SERP1: variants seen among roughly 807,000 people sequenced by gnomAD.
SERP1 encodes the protein stress-associated endoplasmic reticulum protein 1.
SERP1 carries 6 observed loss-of-function variants against 8.8 expected under a neutral mutation model. The ratio of observed to expected loss-of-function variants is 0.68; its 90% CI spans 0.37 to 1.35. The LOEUF is 1.35. SERP1 is among the 40% of genes most tolerant of loss of function. The pLI is 0.02. For synonymous variants in SERP1, 36 were observed against 28.7 expected (o/e 1.25, Z -0.81); for missense variants, 52 against 86.2 (o/e 0.60, Z 1.57).
At position 150,546,447 on chromosome 3, in the gene SERP1, G is replaced by A. The variant is rs1448756727; in HGVS notation, c.-312C>T. On this transcript the variant is annotated 5_prime_UTR_variant, in exon 1 of 3. Transcript: ENST00000239944. ...CCGCCGTGAGCGCGGAGTGAAAGAG[G>A]AAGGAAACGCAACGCAACAACGGGA... The A allele has an allele frequency of 3.6e-6, 2 of 558,378 alleles. No homozygotes were observed. Among genetic ancestry groups the A allele is most frequent in the Non-Finnish European group, 3.1e-6 (1 of 318,514 alleles). The allele number at this position is 558,378 out of a possible 1,614,324, so 34.6% of individuals were successfully genotyped here.
At chr3:150,545,508 G>A (rs1351655552) in intron 2 of SERP1, 195 bp downstream of exon 2, 4 of 578,622 alleles carry the variant, frequency 6.9e-6, no homozygotes, top group African/African-American at 3.8e-5. Context: ...ATTAAGCTGG[G>A]AGAAGTTTCT....
In SERP1 at chr3:150,546,199, G is replaced by A. The variant is rs1261908284; in HGVS notation, c.-64C>T. The A allele has an allele frequency of 3.2e-6, 5 of 1,565,352 alleles. No individual in the cohort carries two copies. The highest frequency in any genetic ancestry group is 1.1e-5 in the South Asian group (1 of 90,188). ...CTCGCTCACTCGCCTGCCTCCTCTG[G>A]AGCCGCTGCGAGGCTCGGCTCGTGG... On this transcript the variant is annotated 5_prime_UTR_variant, in exon 1 of 3. Coordinates refer to ENST00000239944, the MANE Select transcript of SERP1 (RefSeq NM_014445.4).
chr3:150,546,009 G>C, intron 1 of SERP1, 43 bp downstream of exon 1: 3 of 1,609,246 alleles, frequency 1.9e-6, no homozygotes, highest in Non-Finnish European at 2.5e-6. Flanking sequence ...CCCGGACTCA[G>C]CTCCGGCTGC....
Position 150,546,486 on chromosome 3 carries a change from C to G in SERP1, c.-351G>C, listed in dbSNP as rs1723029751. 1 of 571,644 alleles carries G rather than the reference C, an allele frequency of 1.7e-6. No individual in the cohort carries two copies. The highest frequency in any genetic ancestry group is 3.1e-6 in the Non-Finnish European group (1 of 321,876). The allele number at this position is 571,644 out of a possible 1,614,324, so 35.4% of individuals were successfully genotyped here. ...GCAACAACGGGAATGTGCAGCCCGC[C>G]GCCTCGATCTACTTTGGGTTCGGCT... On this transcript the variant is annotated 5_prime_UTR_variant, in exon 1 of 3. Coordinates refer to ENST00000239944, the MANE Select transcript of SERP1 (RefSeq NM_014445.4).
rs1266185574 is a variant in SERP1, at chr3:150,546,435, G to A, written c.-300C>T. On this transcript the variant is annotated 5_prime_UTR_variant, in exon 1 of 3. Transcript: ENST00000239944. Reference sequence around the variant, plus strand: ...CCGCTTTGGCCGCCGCCGTGAGCGCGGAGTGAAAGAGGAAGGAAACGCAAC... The same window carrying A: ...CCGCTTTGGCCGCCGCCGTGAGCGCAGAGTGAAAGAGGAAGGAAACGCAAC... 1.1e-5 allele frequency: 6 copies of A among 554,932 alleles called. No individual in the cohort carries two copies. The highest frequency in any genetic ancestry group is 3.6e-5 in the Admixed American group (1 of 27,612). 34.4% of individuals were successfully genotyped at this position (554,932 alleles called of 1,614,324 possible).
Position 150,543,753 on chromosome 3 carries a change from A to T in SERP1, c.*705T>A, listed in dbSNP as rs1722924423. 7.9e-6 allele frequency: 1 copy of T among 127,298 alleles called. No individual in the cohort carries two copies. Among genetic ancestry groups the T allele is most frequent in the Admixed American group, 8.7e-5 (1 of 11,506 alleles). The allele number at this position is 127,298 out of a possible 1,614,324, so 7.9% of individuals were successfully genotyped here. The stretch of plus-strand genomic sequence containing the variant: ...TTAGTGAAACCACAGTAACTGATTA[A>T]GTCAGAAAACGATCAAGTTTTTTTT... On this transcript the variant is annotated 3_prime_UTR_variant, in exon 3 of 3. Coordinates refer to ENST00000239944, the MANE Select transcript of SERP1 (RefSeq NM_014445.4).
At position 150,546,177 on chromosome 3, in the gene SERP1, G is replaced by C; in HGVS notation, c.-42C>G. ...CCTGCCCCGGCCACCCCTCGGACTC[G>C]CTCACTCGCCTGCCTCCTCTGGAGC... On this transcript the variant is annotated 5_prime_UTR_variant, in exon 1 of 3. Coordinates refer to ENST00000239944, the MANE Select transcript of SERP1 (RefSeq NM_014445.4). The C allele has an allele frequency of 1.9e-6, 3 of 1,601,164 alleles. No homozygotes were observed. The highest frequency in any genetic ancestry group is 2.6e-6 in the Non-Finnish European group (3 of 1,172,646).
chr3:150,542,203 T>C lies in SERP1; in HGVS notation c.*2255A>G, dbSNP rs1313940100. ...TAATGTTGACAACCCCAATATTTAT[T>C]CTCATACTGTGCTCAACATTAGATG... On this transcript the variant is annotated 3_prime_UTR_variant, in exon 3 of 3. Transcript: ENST00000239944. 3 of 152,244 alleles carry C rather than the reference T, an allele frequency of 2.0e-5. No homozygotes were observed. Among genetic ancestry groups the C allele is most frequent in the Non-Finnish European group, 4.4e-5 (3 of 68,038 alleles). The allele number at this position is 152,244 out of a possible 1,614,324, so 9.4% of individuals were successfully genotyped here.
At chr3:150,544,623 T>C in intron 2 of SERP1, 125 bp from the exon 3 acceptor site, 1 of 662,780 alleles carries the variant, frequency 1.5e-6, no homozygotes, top group South Asian at 2.0e-5. Flanking sequence ...GGTACATAAC[T>C]TCAGTATAAT....
rs929467987 is a variant in SERP1, at chr3:150,542,658, T to C, written c.*1800A>G. Reference sequence around the variant, plus strand: ...TACAAAGGGAATGCAATTTTACATATGTAAAATGATTGCTAGCTATAGCAA... The same window carrying C: ...TACAAAGGGAATGCAATTTTACATACGTAAAATGATTGCTAGCTATAGCAA... On this transcript the variant is annotated 3_prime_UTR_variant, in exon 3 of 3. Transcript: ENST00000239944. The C allele has an allele frequency of 4.6e-5, 7 of 152,580 alleles. No homozygotes were observed. Among genetic ancestry groups the C allele is most frequent in the African/African-American group, 1.2e-4 (5 of 41,466 alleles). The allele number at this position is 152,580 out of a possible 1,614,324, so 9.5% of individuals were successfully genotyped here. A position where few individuals can be genotyped will look rare whatever the true frequency, so the allele number is the denominator to read the frequency against.
In SERP1 at chr3:150,546,286, G is replaced by C; in HGVS notation, c.-151C>G. On this transcript the variant is annotated 5_prime_UTR_variant, in exon 1 of 3. Coordinates refer to ENST00000239944, the MANE Select transcript of SERP1 (RefSeq NM_014445.4). ...GACGCTAGCTACGGCCGCTGGGCCT[G>C]GGCGCCGCAAGCGCGAGGTCTGAGC... 1 of 850,022 alleles carries C rather than the reference G, an allele frequency of 1.2e-6. No individual in the cohort carries two copies. The highest frequency in any genetic ancestry group is 1.8e-6 in the Non-Finnish European group (1 of 564,472). The allele number at this position is 850,022 out of a possible 1,614,324, so 52.7% of individuals were successfully genotyped here. A position where few individuals can be genotyped will look rare whatever the true frequency, so the allele number is the denominator to read the frequency against.
In SERP1 at chr3:150,546,067, G is replaced by A; in HGVS notation, c.69C>T (p.Asn23=). 6.2e-7 allele frequency: 1 copy of A among 1,613,772 alleles called. No individual in the cohort carries two copies. Residue 23 remains asparagine, a synonymous_variant, in exon 1 of 3, where the codon AAC becomes AAT. Transcript: ENST00000239944. Reference sequence around the variant, plus strand: ...CTTTCCTTACCGAGGTCTTGGCGACGTTGCCGCGCTGGGTGATGTTCTTGC... The same window carrying A: ...CTTTCCTTACCGAGGTCTTGGCGACATTGCCGCGCTGGGTGATGTTCTTGC... ...KHSKNITQRG[N]VAKTSRNAPE...
rs1722924289 is a variant in SERP1 at position 150,543,749 on chromosome 3, A to AT, written c.*708dup. On this transcript the variant is annotated 3_prime_UTR_variant, in exon 3 of 3. Transcript: ENST00000239944. ...GCTTTTAGTGAAACCACAGTAACTG[A>AT]TTAAGTCAGAAAACGATCAAGTTTT... The AT allele has an allele frequency of 2.9e-5, 4 of 136,314 alleles. No homozygotes were observed. The highest frequency in any genetic ancestry group is 5.2e-4 in the South Asian group (2 of 3,842). The allele number at this position is 136,314 out of a possible 1,614,324, so 8.4% of individuals were successfully genotyped here. A position where few individuals can be genotyped will look rare whatever the true frequency, so the allele number is the denominator to read the frequency against.
rs1232942870 is a variant in SERP1, at chr3:150,546,148, A to G, written c.-13T>C. 1.2e-6 allele frequency: 2 copies of G among 1,612,134 alleles called. No individual in the cohort carries two copies. Among genetic ancestry groups the G allele is most frequent in the Admixed American group, 1.7e-5 (1 of 60,014 alleles). On this transcript the variant is annotated 5_prime_UTR_variant, in exon 1 of 3. Transcript: ENST00000239944. The stretch of plus-strand genomic sequence containing the variant: ...GCTTGGCGACCATCTTCGCGGCGCC[A>G]CCACCTGCCCCGGCCACCCCTCGGA...
chr3:150,544,858 T>C (rs897254760), intron 2 of SERP1, among the ~76,000 whole-genome samples: 2 of 152,252 alleles, frequency 1.3e-5, no homozygotes, highest in Non-Finnish European at 2.9e-5. Flanking sequence ...AACACATGCA[T>C]GTTTCCTCAT....
rs1179410421 is a variant in SERP1 at position 150,546,340 on chromosome 3, T to TGACC, written c.-209_-206dup. 1.3e-5 allele frequency: 8 copies of TGACC among 599,036 alleles called. 1 individual carries two copies. Among genetic ancestry groups the TGACC allele is most frequent in the South Asian group, 8.3e-5 (4 of 48,346 alleles). The allele number at this position is 599,036 out of a possible 1,614,324, so 37.1% of individuals were successfully genotyped here. A position where few individuals can be genotyped will look rare whatever the true frequency, so the allele number is the denominator to read the frequency against. ...AGCCGGGCGCCGGCCGCCGACTGAC[T>TGACC]GACCGAGCGGGGCAGGTGCGCAGGA... On this transcript the variant is annotated 5_prime_UTR_variant, in exon 1 of 3. Coordinates refer to ENST00000239944, the MANE Select transcript of SERP1 (RefSeq NM_014445.4).
rs1412164652 is a variant in SERP1 at position 150,546,374 on chromosome 3, A to G, written c.-239T>C. 1.8e-6 allele frequency: 1 copy of G among 567,416 alleles called. No homozygotes were observed. Among genetic ancestry groups the G allele is most frequent in the African/African-American group, 2.0e-5 (1 of 51,102 alleles). The allele number at this position is 567,416 out of a possible 1,614,324, so 35.1% of individuals were successfully genotyped here. A position where few individuals can be genotyped will look rare whatever the true frequency, so the allele number is the denominator to read the frequency against. ...GGGGCAGGTGCGCAGGAGGAAGAGA[A>G]CTGGCCGCCGGGTCGTTCTCGCGCC... is the stretch of plus-strand genomic sequence containing the variant. On this transcript the variant is annotated 5_prime_UTR_variant, in exon 1 of 3. Coordinates refer to ENST00000239944, the MANE Select transcript of SERP1 (RefSeq NM_014445.4).
intron 2 of SERP1, among the ~76,000 whole-genome samples, 165 bp from the exon 3 acceptor site, chr3:150,544,663 A>G (rs1722940295): frequency 6.6e-6 from 1 of 152,246 alleles, no homozygotes; most frequent in African/African-American, 2.4e-5. Flanking sequence ...GTCTGAATAA[A>G]TAAAACAATG....
rs1016822459 is a variant in SERP1 at position 150,543,342 on chromosome 3, C to G, written c.*1116G>C. 14 of 152,502 alleles carry G rather than the reference C, an allele frequency of 9.2e-5. No homozygotes were observed. The highest frequency in any genetic ancestry group is 1.8e-4 in the Non-Finnish European group (12 of 68,000). The allele number at this position is 152,502 out of a possible 1,614,324, so 9.4% of individuals were successfully genotyped here. On this transcript the variant is annotated 3_prime_UTR_variant, in exon 3 of 3. Transcript: ENST00000239944. ...AAACGTAAATTTGATCAATCATAAC[C>G]TATAAAGTCATATAACAAAGGGAAG...
Sources: allele counts gnomAD v4.1 joint callset (sites outside exome capture counted in the v4.1 genomes callset), GRCh38; gene constraint gnomAD v4.1.1; transcripts MANE v1.5; gene names NCBI Gene and HGNC (gene_info 2026-07-23, HGNC 2026-07-21).